TYR: variants seen among roughly 807,000 people sequenced by gnomAD.
The protein encoded by TYR is tyrosinase.
In TYR, 58 loss-of-function variants were observed where a neutral mutation model predicts 51.5. The ratio of observed to expected loss-of-function variants is 1.13; its 90% CI spans 0.91 to 1.40. The LOEUF is 1.40. TYR is among the 40% of genes most tolerant of loss of function. The probability of loss-of-function intolerance (pLI) is 0.00; values close to 1 mark genes in which losing one functional copy is unlikely to be tolerated. For synonymous variants in TYR, 263 were observed against 235.2 expected, an observed-to-expected ratio of 1.12 and a Z score of -1.08; for missense variants, 732 against 647.4, an observed-to-expected ratio of 1.13 and a Z score of -1.42.
In TYR at chr11:89,178,498, A is replaced by G. The variant is rs768350532; in HGVS notation, c.545A>G (p.Tyr182Cys). 1.2e-6 allele frequency: 2 copies of G among 1,614,046 alleles called. No individual in the cohort carries two copies. The highest frequency in any genetic ancestry group is 2.2e-5 in the South Asian group (2 of 91,086). Reference protein sequence around the residue: ...IYDLFVWMHYYVSMDALLGGS... With the variant: ...IYDLFVWMHYCVSMDALLGGS... The stretch of plus-strand genomic sequence containing the variant: ...GACCTCTTTGTCTGGATGCATTATT[A>G]TGTGTCAATGGATGCACTGCTTGGG... Residue 182 changes from tyrosine (Y) to cysteine (C), a missense_variant, in exon 1 of 5, where the codon TAT (tyrosine) becomes TGT (cysteine). Transcript: ENST00000263321.
At chr11:89,207,485 C>T (rs1017192860) in intron 2 of TYR, among the ~76,000 whole-genome samples, 1 of 152,032 alleles carries the variant, frequency 6.6e-6, no homozygotes, top group Non-Finnish European at 1.5e-5. Flanking sequence ...TTTAAAACTA[C>T]CAAAATAGAA....
chr11:89,183,613 G>A lies in TYR; in HGVS notation c.819+4841G>A, dbSNP rs374746249. On this transcript the variant is annotated intron_variant, in intron 1 of 4. Transcript: ENST00000263321. ...CTAAGTTACTTAATTATTCTGAGAC[G>A]ATTTTTGTCCCTAAAATTAGAATAA... Among the ~76,000 whole-genome samples, 6 of 151,976 alleles carry A rather than the reference G, an allele frequency of 3.9e-5. No individual in the cohort carries two copies. The East Asian group carries it at 1.2e-3, about 29-fold the overall frequency.
At chr11:89,191,102 A>G (rs1364227067) in intron 1 of TYR, 100 bp from the exon 2 acceptor site, 2 of 1,023,474 alleles carry the variant, frequency 2.0e-6, no homozygotes, top group Non-Finnish European at 3.1e-6. Flanking sequence ...TCTCCTCAGG[A>G]GAAGTCTAAC....
chr11:89,195,972 C>G (rs1465537046), intron 2 of TYR, among the ~76,000 whole-genome samples: 2 of 152,002 alleles, frequency 1.3e-5, no homozygotes, highest in Admixed American at 1.3e-4. Context: ...TAAAAGTAAT[C>G]AAACTGACTA....
At chr11:89,218,440 G>T (rs1943864086) in intron 2 of TYR, among the ~76,000 whole-genome samples, 1 of 151,984 alleles carries the variant, frequency 6.6e-6, no homozygotes, top group Non-Finnish European at 1.5e-5. Flanking sequence ...ATTAAAAGAG[G>T]CAAATTTAAG....
At chr11:89,208,638 A>G (rs1161490339) in intron 2 of TYR, among the ~76,000 whole-genome samples, 2 of 152,198 alleles carry the variant, frequency 1.3e-5, no homozygotes, top group Non-Finnish European at 1.5e-5. Flanking sequence ...TGAGTATGCA[A>G]TTCATCTGAA....
intron 3 of TYR, among the ~76,000 whole-genome samples, chr11:89,238,160 A>G (rs931367787): frequency 6.6e-6 from 1 of 152,102 alleles, no homozygotes. Flanking sequence ...TGAAGAAGAG[A>G]TATATTTCAG....
intron 3 of TYR, among the ~76,000 whole-genome samples, chr11:89,273,749 A>AT (rs937782573): frequency 1.3e-5 from 2 of 151,446 alleles, no homozygotes; most frequent in South Asian, 2.1e-4. Context: ...AAACAACATA[A>AT]TTTTTTTTTC....
chr11:89,295,146 C>A lies in TYR; in HGVS notation c.1370C>A (p.Pro457Gln). Reference sequence around the variant, plus strand: ...ATGGGATGTCTTTTTATTTCAGACCCAGACTCTTTTCAAGACTACATTAAG... The same window carrying A: ...ATGGGATGTCTTTTTATTTCAGACCAAGACTCTTTTCAAGACTACATTAAG... ...YDYSYLQDSD[P>Q]DSFQDYIKSY... Residue 457 changes from proline to glutamine, a missense_variant, in exon 5 of 5, where the codon CCA becomes CAA. Coordinates refer to ENST00000263321, the MANE Select transcript of TYR (RefSeq NM_000372.5). 1.2e-6 allele frequency: 2 copies of A among 1,613,900 alleles called. No individual in the cohort carries two copies. Among genetic ancestry groups the A allele is most frequent in the South Asian group, 1.1e-5 (1 of 91,036 alleles).
At chr11:89,183,241 C>T (rs1276679455) in intron 1 of TYR, among the ~76,000 whole-genome samples, 2 of 151,908 alleles carry the variant, frequency 1.3e-5, no homozygotes, top group African/African-American at 2.4e-5. Context: ...TCTATCTCCC[C>T]TTTTTTCTTT....
In TYR at chr11:89,178,417, C is replaced by T. The variant is rs920624553; in HGVS notation, c.464C>T (p.Thr155Ile). ...ISSDYVIPIG[T>I]YGQMKNGSTP... ...TCAGACTATGTCATCCCCATAGGGA[C>T]CTATGGCCAAATGAAAAATGGATCA... The change falls in exon 1 of 5, where the codon ACC becomes ATC. Residue 155 changes from threonine to isoleucine, a missense_variant. By Grantham distance (89) the Thr-to-Ile change is moderately conservative. Coordinates refer to ENST00000263321, the MANE Select transcript of TYR (RefSeq NM_000372.5). 13 of 1,614,088 alleles carry T rather than the reference C, an allele frequency of 8.1e-6. No individual in the cohort carries two copies. The highest frequency in any genetic ancestry group is 1.0e-5 in the Non-Finnish European group (12 of 1,180,018).
At position 89,202,594 on chromosome 11, in the gene TYR, T is replaced by C. The variant is rs371107453; in HGVS notation, c.1036+11176T>C. 3.0e-5 allele frequency among the ~76,000 whole-genome samples: 4 copies of C among 132,582 alleles called. No homozygotes were observed. In the Admixed American group the frequency reaches 3.1e-4, roughly 10 times the overall value. 87.0% of individuals were successfully genotyped at this position (132,582 alleles called of 152,430 possible). ...ACGTGTTGATGTTGATAATGTTTCATGGCCAAAACTAGAATATATTTTCAT... is the reference window on the plus strand; with the variant it reads ...ACGTGTTGATGTTGATAATGTTTCACGGCCAAAACTAGAATATATTTTCAT... On this transcript the variant is annotated intron_variant, in intron 2 of 4. Coordinates refer to ENST00000263321, the MANE Select transcript of TYR (RefSeq NM_000372.5).
intron 3 of TYR, among the ~76,000 whole-genome samples, chr11:89,243,083 A>G (rs1419584472): frequency 1.3e-5 from 2 of 152,228 alleles, no homozygotes; most frequent in Non-Finnish European, 2.9e-5. Context: ...TTGAATAACT[A>G]TTCTTCAAAA....
intron 4 of TYR, among the ~76,000 whole-genome samples, chr11:89,285,975 C>T (rs1590903381): frequency 6.6e-6 from 1 of 151,928 alleles, no homozygotes; most frequent in South Asian, 2.1e-4. Flanking sequence ...ACGAATGAAA[C>T]TCAACCCTCT....
Position 89,237,989 on chromosome 11 carries a change from C to T in TYR, c.1184+10019C>T, listed in dbSNP as rs181965095. ...TTGCTGGGATTACAGGCACACACCA[C>T]CATATCTGGCTAATTTTTGTATTTT... On this transcript the variant is annotated intron_variant, in intron 3 of 4. Coordinates refer to ENST00000263321, the MANE Select transcript of TYR (RefSeq NM_000372.5). Among the ~76,000 whole-genome samples the T allele has an allele frequency of 9.1e-4, 139 of 152,068 alleles. 2 individuals are homozygous for T. The East Asian group carries it at 0.027, about 29-fold the overall frequency.
intron 2 of TYR, among the ~76,000 whole-genome samples, chr11:89,222,251 T>C (rs535773039): frequency 7.2e-5 from 11 of 152,174 alleles, no homozygotes; most frequent in Non-Finnish European, 1.6e-4. Flanking sequence ...TTCAGTGCAG[T>C]GCAACCCTGG....
chr11:89,294,997 C>T, intron 4 of TYR, 146 bp from the exon 5 acceptor site: 1 of 1,356,204 alleles, frequency 7.4e-7, no homozygotes, highest in Admixed American at 2.3e-5. Context: ...TTAGGTGTAA[C>T]TTTCCCAAGC....
intron 2 of TYR, among the ~76,000 whole-genome samples, chr11:89,205,561 A>G (rs1012389707): frequency 1.3e-5 from 2 of 152,154 alleles, no homozygotes; most frequent in Admixed American, 6.6e-5. Context: ...CTTTGACACT[A>G]TGGAGGCCAG....
Position 89,284,851 on chromosome 11 carries a change from C to A in TYR, c.1263C>A (p.Asn421Lys), listed in dbSNP as rs2135324287. 1.2e-6 allele frequency: 2 copies of A among 1,612,014 alleles called. No individual in the cohort carries two copies. The highest frequency in any genetic ancestry group is 1.1e-5 in the South Asian group (1 of 91,036). Residue 421 changes from asparagine to lysine, a missense_variant, in exon 4 of 5, where the codon AAC becomes AAA. Transcript: ENST00000263321. Reference protein sequence around the residue: ...YPEANAPIGHNRESYMVPFIP... With the variant: ...YPEANAPIGHKRESYMVPFIP... The stretch of plus-strand genomic sequence containing the variant: ...AAGCCAATGCACCCATTGGACATAA[C>A]CGGGAATCCTACATGGTTCCTTTTA...
Sources: allele counts gnomAD v4.1 joint callset (sites outside exome capture counted in the v4.1 genomes callset), GRCh38; gene constraint gnomAD v4.1.1; transcripts MANE v1.5; gene names NCBI Gene and HGNC (gene_info 2026-07-23, HGNC 2026-07-21).